Variants in IQSEC1 observed in about 807,000 individuals in gnomAD.
The protein encoded by IQSEC1 is IQ motif and SEC7 domain-containing protein 1.
Under a neutral mutation model 91.0 loss-of-function variants are expected in IQSEC1, and 31 were observed. The observed-to-expected ratio is 0.34, with a 90% CI of 0.26 to 0.46. The LOEUF is 0.46. IQSEC1 is among the 20% of genes least tolerant of loss of function. The pLI, the probability that IQSEC1 is intolerant of heterozygous loss-of-function variation, is 1.00. For synonymous variants in IQSEC1, 699 were observed against 662.6 expected (o/e 1.05, Z -0.84); for missense variants, 1,388 against 1,575.6 (o/e 0.88, Z 2.02).
At chr3:13,169,155 T>C (rs1324087767) in intron 1 of IQSEC1, among the ~76,000 whole-genome samples, 3 of 152,222 alleles carry the variant, frequency 2.0e-5, no homozygotes, top group African/African-American at 4.8e-5. Flanking sequence ...AGGGACCCAG[T>C]GGCAGGCAAT....
chr3:13,071,028 C>T (rs561036572), intron 1 of IQSEC1, among the ~76,000 whole-genome samples: 442 of 152,196 alleles, frequency 2.9e-3, no homozygotes, highest in African/African-American at 9.3e-3. Flanking sequence ...AGCTGCATCA[C>T]GGGAACATCA....
Position 13,073,182 on chromosome 3 carries a change from G to C in IQSEC1, c.-168C>G. The C allele has an allele frequency of 1.4e-6, 1 of 715,882 alleles. No homozygotes were observed. The highest frequency in any genetic ancestry group is 1.7e-5 in the South Asian group (1 of 59,614). The allele number at this position is 715,882 out of a possible 1,614,324, so 44.3% of individuals were successfully genotyped here. A position where few individuals can be genotyped will look rare whatever the true frequency, so the allele number is the denominator to read the frequency against. ...CGGGCTCCTCCAGGGAGGCTGGGGC[G>C]GGAGCGGGGGGCGGCGCCAGCAGCG... On this transcript the variant is annotated 5_prime_UTR_variant, in exon 1 of 14. Coordinates refer to ENST00000613206, the MANE Select transcript of IQSEC1 (RefSeq NM_001134382.3).
chr3:12,904,673 G>A (rs775479973), intron 12 of IQSEC1, among the ~76,000 whole-genome samples: 4 of 152,276 alleles, frequency 2.6e-5, no homozygotes, highest in Middle Eastern at 3.4e-3. Context: ...GGGACAGAGC[G>A]CCAATGTCTC....
intron 1 of IQSEC1, among the ~76,000 whole-genome samples, chr3:13,206,532 G>A (rs1039664434): frequency 2.0e-5 from 3 of 152,200 alleles, no homozygotes; most frequent in Admixed American, 6.5e-5. Flanking sequence ...ACATATGACC[G>A]TAAAAACTCA....
chr3:12,939,619 A>C (rs549511295), intron 2 of IQSEC1, among the ~76,000 whole-genome samples: 9 of 152,276 alleles, frequency 5.9e-5, no homozygotes, highest in African/African-American at 1.9e-4. Flanking sequence ...TCAAATGCTC[A>C]GTGGCCCTTG....
intron 1 of IQSEC1, among the ~76,000 whole-genome samples, chr3:12,963,538 G>A (rs562365221): frequency 6.6e-6 from 1 of 152,360 alleles, no homozygotes; most frequent in East Asian, 1.9e-4. Context: ...GCTACCATTT[G>A]TTGGGGATCT....
rs115900758 is a variant in IQSEC1, at chr3:13,236,692, G to A, written c.272+46019C>T. On this transcript the variant is annotated intron_variant, in intron 1 of 15. Transcript: ENST00000648114. ...GCTGGGTCCACAGACGTGAGAAGGC[G>A]CCAGCTCCACCCGGGCCCCTGTGCT... Among the ~76,000 whole-genome samples, 380 of 152,314 alleles carry A rather than the reference G, an allele frequency of 2.5e-3. 2 individuals carry two copies. The highest frequency in any genetic ancestry group is 4.6e-3 in the Non-Finnish European group (316 of 68,028).
At chr3:13,075,560 G>A (rs985699318), upstream of IQSEC1, among the ~76,000 whole-genome samples, 4 of 152,222 alleles carry the variant, frequency 2.6e-5, no homozygotes, top group South Asian at 2.1e-4. Flanking sequence ...CCCATGACAT[G>A]CATCTGCACA....
chr3:13,167,500 C>T (rs973035002), intron 1 of IQSEC1, among the ~76,000 whole-genome samples: 5 of 152,102 alleles, frequency 3.3e-5, no homozygotes, highest in African/African-American at 1.2e-4. Flanking sequence ...GAGGAGAAGT[C>T]TGCACGCATC....
intron 1 of IQSEC1, among the ~76,000 whole-genome samples, chr3:13,246,982 G>A (rs546874288): frequency 1.3e-5 from 2 of 152,126 alleles, no homozygotes; most frequent in African/African-American, 2.4e-5. Flanking sequence ...TGTTTGCCTC[G>A]GGTAGGCCTT....
At chr3:12,990,858 T>C (rs1701955311) in intron 1 of IQSEC1, among the ~76,000 whole-genome samples, 1 of 152,290 alleles carries the variant, frequency 6.6e-6, no homozygotes, top group Admixed American at 6.5e-5. Flanking sequence ...GCAGACGAAA[T>C]GGGAAATACA....
intron 1 of IQSEC1, among the ~76,000 whole-genome samples, chr3:13,175,922 C>G (rs1443957994): frequency 6.6e-6 from 1 of 152,238 alleles, no homozygotes; most frequent in Non-Finnish European, 1.5e-5. Flanking sequence ...CTTCCTACCA[C>G]CATCACCTGG....
intron 6 of IQSEC1, among the ~76,000 whole-genome samples, 193 bp downstream of exon 6, chr3:12,920,237 C>A (rs1036117420): frequency 1.3e-5 from 2 of 152,218 alleles, no homozygotes; most frequent in Non-Finnish European, 2.9e-5. Context: ...CTGTGTCCCA[C>A]GGGGGCTCCT....
At position 13,023,521 on chromosome 3, in the gene IQSEC1, G is replaced by A. The variant is rs868806058; in HGVS notation, c.23+49471C>T. On this transcript the variant is annotated intron_variant, in intron 1 of 13. Coordinates refer to ENST00000613206, the MANE Select transcript of IQSEC1 (RefSeq NM_001134382.3). ...TGGGCATCATGTATAGTGGGCAGCA[G>A]AGCTTCCATTTCACCGGGGGAAACT... Among the ~76,000 whole-genome samples, 8 of 152,186 alleles carry A rather than the reference G, an allele frequency of 5.3e-5. 1 individual carries two copies. The highest frequency in any genetic ancestry group is 4.6e-4 in the Admixed American group (7 of 15,290).
At chr3:13,030,478 C>T (rs773467250) in intron 1 of IQSEC1, among the ~76,000 whole-genome samples, 23 of 152,214 alleles carry the variant, frequency 1.5e-4, no homozygotes, top group South Asian at 4.1e-4. Context: ...AATCAACTGG[C>T]TTAAAAAATT....
At chr3:13,204,779 CTG>C (rs1694312494) in intron 1 of IQSEC1, among the ~76,000 whole-genome samples, 1 of 150,616 alleles carries the variant, frequency 6.6e-6, no homozygotes, top group African/African-American at 2.4e-5. Flanking sequence ...CTTTTTCTTT[CTG>C]TGTTTCTCTT....
intron 1 of IQSEC1, among the ~76,000 whole-genome samples, chr3:13,072,242 G>C (rs1389995625): frequency 6.6e-6 from 1 of 152,222 alleles, no homozygotes; most frequent in Non-Finnish European, 1.5e-5. Flanking sequence ...CGCAGCCGAG[G>C]GTCCCAGAGG....
chr3:13,261,128 G>A (rs1175092166), intron 1 of IQSEC1, among the ~76,000 whole-genome samples: 28 of 152,218 alleles, frequency 1.8e-4, no homozygotes, highest in Admixed American at 1.6e-3. Context: ...CAGCTATAGC[G>A]GACACTGGGG....
Position 12,934,418 on chromosome 3 carries a change from A to G in IQSEC1, c.1568+1030T>C, listed in dbSNP as rs138223480. On this transcript the variant is annotated intron_variant, in intron 3 of 13. Coordinates refer to ENST00000613206, the MANE Select transcript of IQSEC1 (RefSeq NM_001134382.3). The stretch of plus-strand genomic sequence containing the variant: ...GCACCATCTCCCCCAGTCTAGAAGA[A>G]GAGAGAACAGGGGGCAGACGGAGCA... 1.7e-3 allele frequency among the ~76,000 whole-genome samples: 256 copies of G among 152,326 alleles called. 1 individual carries two copies. Among genetic ancestry groups the G allele is most frequent in the Middle Eastern group, 0.01 (3 of 294 alleles).
Sources: allele counts gnomAD v4.1 joint callset (sites outside exome capture counted in the v4.1 genomes callset), GRCh38; gene constraint gnomAD v4.1.1; transcripts MANE v1.5; gene names NCBI Gene and HGNC (gene_info 2026-07-23, HGNC 2026-07-21).